The following TOM1L1 variants were observed in gnomAD, a reference collection of about 807,000 sequenced individuals.
The protein encoded by TOM1L1 is TOM1-like protein 1.
In TOM1L1, 64 loss-of-function variants were observed where a neutral mutation model predicts 63.4. That is an observed-to-expected ratio of 1.01 (90% CI 0.83 to 1.24). The LOEUF is 1.24. TOM1L1 is among the 50% of genes most tolerant of loss of function. The pLI is 0.00. For missense variants in TOM1L1, 536 were observed against 567.0 expected (o/e 0.95, Z 0.55); for synonymous variants, 166 against 194.4 (o/e 0.85, Z 1.22).
chr17:54,938,971 C>G lies in TOM1L1; in HGVS notation c.1081C>G (p.Leu361Val), dbSNP rs1447298793. The G allele has an allele frequency of 1.2e-6, 2 of 1,612,968 alleles. No homozygotes were observed. Among genetic ancestry groups the G allele is most frequent in the African/African-American group, 2.7e-5 (2 of 74,896 alleles). ...SDVTNNLKPS[L>V]HPQMNLLALE... The stretch of plus-strand genomic sequence containing the variant: ...TGTAACAAACAACTTAAAACCCAGT[C>G]TTCATCCACAGATGAACTTGCTAGC... The change falls in exon 11 of 16, where the codon CTT becomes GTT. Residue 361 changes from leucine (L) to valine (V), a missense_variant. Transcript: ENST00000575882.
chr17:54,928,454 G>A (rs965472032), intron 7 of TOM1L1, among the ~76,000 whole-genome samples: 13 of 152,102 alleles, frequency 8.5e-5, no homozygotes, highest in African/African-American at 2.9e-4. Context: ...CATATATATG[G>A]GAGATGCCTT....
intron 1 of TOM1L1, 119 bp downstream of exon 1, chr17:54,901,042 T>TC: frequency 7.3e-7 from 1 of 1,373,094 alleles, no homozygotes; most frequent in South Asian, 1.3e-5. Context: ...ATTATTCCCC[T>TC]CCCCCCGCAA....
intron 7 of TOM1L1, among the ~76,000 whole-genome samples, chr17:54,925,454 G>A (rs1598025083): frequency 6.6e-6 from 1 of 152,330 alleles, no homozygotes; most frequent in African/African-American, 2.4e-5. Context: ...CCAGGCCCCA[G>A]GGCACAGAGT....
At chr17:54,958,698 C>G (rs564426458) in intron 14 of TOM1L1, among the ~76,000 whole-genome samples, 1 of 127,794 alleles carries the variant, frequency 7.8e-6, no homozygotes, top group Admixed American at 9.3e-5. Context: ...CTATTGCACT[C>G]TAGCGTGGGC....
chr17:54,947,156 G>T (rs989967989), intron 11 of TOM1L1, 105 bp from the exon 12 acceptor site: 3 of 1,052,202 alleles, frequency 2.9e-6, no homozygotes, highest in African/African-American at 3.2e-5. Flanking sequence ...TATGCAGTCT[G>T]AAGGTACCTT....
chr17:54,905,524 T>C lies in TOM1L1; in HGVS notation c.179T>C (p.Ile60Thr), dbSNP rs1567818589. ...KDAVKALKKR[I>T]SKNYNHKEIQ... ...GCAGTGAAAGCTTTGAAGAAAAGGA[T>C]TTCCAAAAACTACAATCATAAAGAA... Residue 60 changes from isoleucine (I) to threonine (T), a missense_variant, in exon 3 of 16, where the codon ATT (isoleucine) becomes ACT (threonine). Coordinates refer to ENST00000575882, the MANE Select transcript of TOM1L1 (RefSeq NM_005486.3). 1 of 1,612,384 alleles carries C rather than the reference T, an allele frequency of 6.2e-7. No homozygotes were observed. The highest frequency in any genetic ancestry group is 8.5e-7 in the Non-Finnish European group (1 of 1,179,104).
chr17:54,905,651 C>G lies in TOM1L1; in HGVS notation c.222+84C>G. The G allele has an allele frequency of 1.3e-5, 11 of 872,872 alleles. No homozygotes were observed. In the South Asian group the frequency reaches 1.8e-4, roughly 15 times the overall value. The allele number at this position is 872,872 out of a possible 1,614,324, so 54.1% of individuals were successfully genotyped here. A position where few individuals can be genotyped will look rare whatever the true frequency, so the allele number is the denominator to read the frequency against. On this transcript the variant is annotated intron_variant, in intron 3 of 15. Coordinates refer to ENST00000575882, the MANE Select transcript of TOM1L1 (RefSeq NM_005486.3). ...TTAATCCTGGGTAAAAAATAAGAAG[C>G]AAGTATTCTGAGAAAACTAATAGGT...
At position 54,936,657 on chromosome 17, in the gene TOM1L1, G is replaced by A. The variant is rs756362736; in HGVS notation, c.863G>A (p.Arg288Lys). ...NAILGYERFTRNQQRILEQNK... is the reference protein window; with the variant it reads ...NAILGYERFTKNQQRILEQNK... ...TTTGATCATTTAAACAGGTTTACTA[G>A]AAACCAACAAAGGATTTTGGAGCAA... Residue 288 changes from arginine to lysine, a missense_variant, in exon 9 of 16, where the codon AGA becomes AAA. Physicochemically the swap from Arg to Lys is conservative, Grantham distance 26. Transcript: ENST00000575882. 1 of 1,604,808 alleles carries A rather than the reference G, an allele frequency of 6.2e-7. No homozygotes were observed. The highest frequency in any genetic ancestry group is 8.5e-7 in the Non-Finnish European group (1 of 1,177,550).
At position 54,908,692 on chromosome 17, in the gene TOM1L1, C is replaced by A. The variant is rs577422037; in HGVS notation, c.222+3125C>A. Among the ~76,000 whole-genome samples, 11 of 152,186 alleles carry A rather than the reference C, an allele frequency of 7.2e-5. No individual in the cohort carries two copies. In the South Asian group the frequency reaches 2.3e-3, roughly 32 times the overall value. ...GGTGGAGCAGTTTTGTTTTGTGTTTCAGCAGAATTTTGTTACCAGGCTTTA... is the reference window on the plus strand; with the variant it reads ...GGTGGAGCAGTTTTGTTTTGTGTTTAAGCAGAATTTTGTTACCAGGCTTTA... On this transcript the variant is annotated intron_variant, in intron 3 of 15. Transcript: ENST00000575882.
At chr17:54,913,928 TTTCTC>T in intron 5 of TOM1L1, 55 bp downstream of exon 5, 1 of 1,547,900 alleles carries the variant, frequency 6.5e-7, no homozygotes, top group Non-Finnish European at 8.7e-7. Flanking sequence ...ACTTGGGTCT[TTTCTC>T]ATTACAGGAG....
chr17:54,910,919 T>C (rs1292061061), intron 3 of TOM1L1, among the ~76,000 whole-genome samples: 2 of 152,242 alleles, frequency 1.3e-5, no homozygotes, highest in African/African-American at 4.8e-5. Context: ...AAGCATGGCA[T>C]GAAGTCCATT....
At chr17:54,909,719 C>T (rs1398511002) in intron 3 of TOM1L1, among the ~76,000 whole-genome samples, 1 of 152,108 alleles carries the variant, frequency 6.6e-6, no homozygotes, top group African/African-American at 2.4e-5. Flanking sequence ...GTGATTTGCC[C>T]AGCCAAGCCC....
intron 14 of TOM1L1, chr17:54,958,003 T>C (rs998000979): frequency 2.0e-5 from 3 of 152,228 alleles, no homozygotes; most frequent in Non-Finnish European, 2.9e-5. Flanking sequence ...TAGAGAAAGC[T>C]TCAGGTAGCA....
At chr17:54,907,342 CA>C (rs1000399194) in intron 3 of TOM1L1, among the ~76,000 whole-genome samples, 11 of 152,110 alleles carry the variant, frequency 7.2e-5, no homozygotes, top group African/African-American at 2.7e-4. Flanking sequence ...CTCCATTTAA[CA>C]GATGAAGAAA....
At chr17:54,901,430 A>C (rs1663176590) in intron 1 of TOM1L1, among the ~76,000 whole-genome samples, 1 of 152,168 alleles carries the variant, frequency 6.6e-6, no homozygotes. Context: ...CTGGGTAAAC[A>C]AAGAGAATGA....
At position 54,900,895 on chromosome 17, in the gene TOM1L1, C is replaced by T; in HGVS notation, c.30C>T (p.Pro10=). The T allele has an allele frequency of 6.2e-7, 1 of 1,613,844 alleles. No homozygotes were observed. The highest frequency in any genetic ancestry group is 8.5e-7 in the Non-Finnish European group (1 of 1,180,024). MAFGKSHRD[P]YATSVGHLIE... ...CGTTTGGCAAGAGTCACCGGGATCCCTACGCGACCTCCGTGGGCCACCTCA... is the reference window on the plus strand; with the variant it reads ...CGTTTGGCAAGAGTCACCGGGATCCTTACGCGACCTCCGTGGGCCACCTCA... The change falls in exon 1 of 16, where the codon CCC becomes CCT. Residue 10 remains proline (P), a synonymous_variant. Transcript: ENST00000575882.
At position 54,944,965 on chromosome 17, in the gene TOM1L1, A is replaced by G. The variant is rs374891955; in HGVS notation, c.1131-2296A>G. On this transcript the variant is annotated intron_variant, in intron 11 of 15. Transcript: ENST00000575882. Reference sequence around the variant, plus strand: ...CAAATGACTGCAAACTGGGTGGTTTAAAACCACAGAAATTTATTATCTCAC... The same window carrying G: ...CAAATGACTGCAAACTGGGTGGTTTGAAACCACAGAAATTTATTATCTCAC... 3.3e-5 allele frequency among the ~76,000 whole-genome samples: 5 copies of G among 152,334 alleles called. No individual in the cohort carries two copies. The East Asian group carries it at 9.6e-4, about 29-fold the overall frequency.
intron 14 of TOM1L1, chr17:54,953,575 C>T (rs1006053857): frequency 6.6e-6 from 1 of 152,308 alleles, no homozygotes; most frequent in Non-Finnish European, 1.5e-5. Flanking sequence ...CCTTTCCTAG[C>T]ATCCTTTCTG....
At chr17:54,928,095 A>C (rs1232923156) in intron 7 of TOM1L1, among the ~76,000 whole-genome samples, 1 of 152,222 alleles carries the variant, frequency 6.6e-6, no homozygotes, top group Non-Finnish European at 1.5e-5. Context: ...AGCAAGAACA[A>C]AGGAAAAGTT....
Sources: gnomAD v4.1 joint callset for allele counts (sites outside exome capture counted in the v4.1 genomes callset) on GRCh38, gnomAD v4.1.1 for gene constraint, MANE v1.5 for transcripts, NCBI Gene and HGNC (gene_info 2026-07-23, HGNC 2026-07-21) for gene names.